Variants in RASSF3 observed in about 807,000 individuals in gnomAD.
RASSF3 encodes the protein ras association domain-containing protein 3.
Under a neutral mutation model 19.9 loss-of-function variants are expected in RASSF3, and 19 were observed. The ratio of observed to expected loss-of-function variants is 0.96; its 90% CI spans 0.67 to 1.40. The LOEUF (loss-of-function observed/expected upper bound fraction) is 1.40. RASSF3 is among the 40% of genes most tolerant of loss of function. RASSF3 has a pLI of 0.00. For missense variants in RASSF3, 306 were observed against 289.8 expected, an observed-to-expected ratio of 1.06 and a Z score of -0.41; for synonymous variants, 110 against 104.2, an observed-to-expected ratio of 1.06 and a Z score of -0.34.
intron 3 of RASSF3, among the ~76,000 whole-genome samples, chr12:64,689,804 T>TTTTTTTTTTTTTTTTTTATAAG: frequency 6.8e-6 from 1 of 146,424 alleles, no homozygotes; most frequent in Non-Finnish European, 1.5e-5. Flanking sequence ...TTTTTTTTTT[T>TTTTTTTTTTTTTTTTTTATAAG]GAGACGGAGT....
intron 2 of RASSF3, among the ~76,000 whole-genome samples, chr12:64,588,455 CAGG>C (rs1279266581): frequency 6.6e-6 from 1 of 151,806 alleles, no homozygotes; most frequent in East Asian, 1.9e-4. Flanking sequence ...GAGGCAGAAG[CAGG>C]AGGATAGCTT....
chr12:64,520,555 CATATATATATATATATATATATATAT>C (rs66975333), intron 1 of RASSF3, among the ~76,000 whole-genome samples: 3 of 86,368 alleles, frequency 3.5e-5, no homozygotes, highest in East Asian at 4.5e-4. Flanking sequence ...CACATACACA[CATATATATATATATATATATATATAT>C]ATATATATAT....
upstream of RASSF3, among the ~76,000 whole-genome samples, chr12:64,529,516 C>T (rs1868660495): frequency 4.6e-5 from 7 of 152,108 alleles, no homozygotes; most frequent in Admixed American, 3.9e-4. Context: ...TAGCTGTGGG[C>T]CTAGAGCTGC....
intron 2 of RASSF3, among the ~76,000 whole-genome samples, chr12:64,577,828 T>C (rs976643090): frequency 4.6e-5 from 7 of 152,216 alleles, no homozygotes; most frequent in Non-Finnish European, 7.3e-5. Flanking sequence ...TGGGCACCTG[T>C]TGTGGACAAG....
At chr12:64,566,987 A>G (rs1869442930) in intron 2 of RASSF3, among the ~76,000 whole-genome samples, 1 of 152,232 alleles carries the variant, frequency 6.6e-6, no homozygotes, top group Non-Finnish European at 1.5e-5. Flanking sequence ...ATCCTTTGGC[A>G]GATCAGCAAA....
At chr12:64,512,692 CA>C (rs1375210506) in intron 1 of RASSF3, among the ~76,000 whole-genome samples, 1 of 152,148 alleles carries the variant, frequency 6.6e-6, no homozygotes, top group African/African-American at 2.4e-5. Context: ...CTGAAATACA[CA>C]AGCAAAGGAT....
At chr12:64,534,475 A>G (rs1397301859) in intron 1 of RASSF3, among the ~76,000 whole-genome samples, 2 of 152,206 alleles carry the variant, frequency 1.3e-5, no homozygotes, top group Non-Finnish European at 2.9e-5. Context: ...AGCCTGGGTA[A>G]CAGAGTGAGA....
chr12:64,564,316 T>C (rs929779357), intron 2 of RASSF3, among the ~76,000 whole-genome samples: 3 of 152,202 alleles, frequency 2.0e-5, no homozygotes, highest in African/African-American at 7.2e-5. Flanking sequence ...CTTTATTGGA[T>C]TGGGGACTGA....
chr12:64,569,131 G>A (rs1001165380), intron 2 of RASSF3, among the ~76,000 whole-genome samples: 1 of 152,192 alleles, frequency 6.6e-6, no homozygotes, highest in Non-Finnish European at 1.5e-5. Context: ...TTTTGGCTGG[G>A]CCAAGTGTAA....
intron 2 of RASSF3, among the ~76,000 whole-genome samples, chr12:64,569,286 G>T (rs1019041866): frequency 2.0e-5 from 3 of 152,242 alleles, no homozygotes; most frequent in African/African-American, 7.2e-5. Context: ...ATCTGGGCCA[G>T]AGCTCTTTGC....
intron 1 of RASSF3, among the ~76,000 whole-genome samples, chr12:64,517,085 A>G (rs1372303041): frequency 6.6e-6 from 1 of 151,918 alleles, no homozygotes; most frequent in African/African-American, 2.4e-5. Context: ...TACCATAACT[A>G]ATAGTTTTTC....
At chr12:64,559,246 C>CTTT (rs56100965) in intron 2 of RASSF3, among the ~76,000 whole-genome samples, 165 of 140,800 alleles carry the variant, frequency 1.2e-3, no homozygotes, top group African/African-American at 2.9e-3. Context: ...TTCTTTTTTT[C>CTTT]TTTTTTTTTT....
chr12:64,598,733 A>G (rs1870036817), intron 2 of RASSF3, among the ~76,000 whole-genome samples: 1 of 150,298 alleles, frequency 6.7e-6, no homozygotes. Context: ...TGAGACACAG[A>G]TTTCTTTTTT....
intron 1 of RASSF3, among the ~76,000 whole-genome samples, chr12:64,682,641 A>G (rs1349112655): frequency 6.6e-6 from 1 of 151,410 alleles, no homozygotes; most frequent in Non-Finnish European, 1.5e-5. Flanking sequence ...AAAGTCAAAG[A>G]TCTTGAGGCT....
intron 1 of RASSF3, among the ~76,000 whole-genome samples, chr12:64,631,931 G>C (rs1320067893): frequency 6.6e-6 from 1 of 152,116 alleles, no homozygotes; most frequent in African/African-American, 2.4e-5. Flanking sequence ...CTGAGTGTCA[G>C]GGGAGTGAGG....
At chr12:64,532,455 C>A (rs1868731881), upstream of RASSF3, among the ~76,000 whole-genome samples, 1 of 152,144 alleles carries the variant, frequency 6.6e-6, no homozygotes, top group Non-Finnish European at 1.5e-5. Flanking sequence ...TCGAGAGATT[C>A]TTTCAATGGC....
chr12:64,603,360 T>C (rs145995565), intron 2 of RASSF3, among the ~76,000 whole-genome samples: 30 of 152,292 alleles, frequency 2.0e-4, no homozygotes, highest in Admixed American at 1.8e-3. Flanking sequence ...AATGAGGAAA[T>C]GCAGAAGCCT....
intron 1 of RASSF3, 89 bp downstream of exon 1, chr12:64,610,832 CG>C: frequency 1.5e-6 from 1 of 654,768 alleles, no homozygotes; most frequent in South Asian, 2.3e-5. Flanking sequence ...CGTGTCTCTG[CG>C]GGGCGCTCGG....
intron 1 of RASSF3, among the ~76,000 whole-genome samples, chr12:64,671,798 A>C (rs1252486483): frequency 6.6e-6 from 1 of 152,250 alleles, no homozygotes; most frequent in East Asian, 1.9e-4. Context: ...AATTGACGGC[A>C]GCAGAGGGGT....
Sources: allele counts gnomAD v4.1 joint callset (sites outside exome capture counted in the v4.1 genomes callset), GRCh38; gene constraint gnomAD v4.1.1; transcripts MANE v1.5; gene names NCBI Gene and HGNC (gene_info 2026-07-23, HGNC 2026-07-21).